The following OSGIN2 variants were observed in gnomAD, a reference collection of about 807,000 sequenced individuals.
OSGIN2 encodes the protein oxidative stress-induced growth inhibitor 2.
Under a neutral mutation model 53.8 loss-of-function variants are expected in OSGIN2, and 19 were observed. That is an observed-to-expected ratio of 0.35 (90% CI 0.25 to 0.52). The LOEUF (loss-of-function observed/expected upper bound fraction) is 0.52, where lower values mean the gene tolerates loss of function less well. Ranked by LOEUF, OSGIN2 falls within the 20% of genes least tolerant of loss-of-function variation. The pLI is 0.95. For synonymous variants in OSGIN2, 236 were observed against 236.0 expected (o/e 1.00, Z 0.00); for missense variants, 520 against 662.7 (o/e 0.78, Z 2.36).
chr8:89,922,344 A>G (rs771753324), intron 5 of OSGIN2, among the ~76,000 whole-genome samples: 1 of 152,216 alleles, frequency 6.6e-6, no homozygotes, highest in Non-Finnish European at 1.5e-5. Context: ...AGATTTTTAA[A>G]AAGAATTATA....
chr8:89,907,419 C>T (rs546530201), intron 1 of OSGIN2, among the ~76,000 whole-genome samples: 2 of 152,186 alleles, frequency 1.3e-5, no homozygotes, highest in African/African-American at 4.8e-5. Flanking sequence ...GTCTTTAATC[C>T]ATCTAGAGTT....
At chr8:89,905,004 G>T (rs1175034040) in intron 1 of OSGIN2, among the ~76,000 whole-genome samples, 1 of 152,122 alleles carries the variant, frequency 6.6e-6, no homozygotes, top group African/African-American at 2.4e-5. Flanking sequence ...CTTTCCATGT[G>T]GTAGTATAAA....
intron 2 of OSGIN2, among the ~76,000 whole-genome samples, chr8:89,913,223 C>T (rs1340897767): frequency 1.3e-5 from 2 of 152,082 alleles, no homozygotes; most frequent in African/African-American, 2.4e-5. Context: ...TTTAGAAAGG[C>T]GGTTTAATTT....
chr8:89,919,178 T>A (rs1423275284), intron 4 of OSGIN2, among the ~76,000 whole-genome samples: 1 of 152,226 alleles, frequency 6.6e-6, no homozygotes, highest in African/African-American at 2.4e-5. Context: ...AGCATGCTTT[T>A]GTTGGGGAGT....
At chr8:89,905,008 G>A (rs1243074080) in intron 1 of OSGIN2, among the ~76,000 whole-genome samples, 1 of 152,178 alleles carries the variant, frequency 6.6e-6, no homozygotes, top group Non-Finnish European at 1.5e-5. Flanking sequence ...CCATGTGGTA[G>A]TATAAATTTG....
chr8:89,902,333 GT>G (rs1808734109), upstream of OSGIN2, among the ~76,000 whole-genome samples: 1 of 152,152 alleles, frequency 6.6e-6, no homozygotes, highest in African/African-American at 2.4e-5. Flanking sequence ...GCTGACCGAG[GT>G]CTAGGTCTCG....
chr8:89,910,032 T>G (rs1259980293), intron 2 of OSGIN2, among the ~76,000 whole-genome samples: 1 of 152,200 alleles, frequency 6.6e-6, no homozygotes, highest in Non-Finnish European at 1.5e-5. Flanking sequence ...CTGAAGAGTA[T>G]TCTATGTATA....
intron 4 of OSGIN2, among the ~76,000 whole-genome samples, chr8:89,915,356 G>C (rs1431839693): frequency 6.6e-6 from 1 of 152,144 alleles, no homozygotes; most frequent in Non-Finnish European, 1.5e-5. Context: ...TATGAAGCCA[G>C]TAATCCCATT....
intron 2 of OSGIN2, among the ~76,000 whole-genome samples, chr8:89,912,326 G>A (rs1808984051): frequency 6.6e-6 from 1 of 152,226 alleles, no homozygotes; most frequent in South Asian, 2.1e-4. Context: ...TGGTTGAGAT[G>A]TATAATCACC....
At position 89,925,361 on chromosome 8, in the gene OSGIN2, T is replaced by C. The variant is rs749683846; in HGVS notation, c.1479T>C (p.Tyr493=). Residue 493 remains tyrosine, a synonymous_variant, in exon 6 of 6, where the codon TAT becomes TAC. Coordinates refer to ENST00000451899, the MANE Select transcript of OSGIN2 (RefSeq NM_001126111.3). ...CKGNPVEIDT[Y]TYECIKEANL... ...GTAATCCTGTGGAAATAGATACATATACCTATGAGTGTATTAAAGAAGCCA... is the reference window on the plus strand; with the variant it reads ...GTAATCCTGTGGAAATAGATACATACACCTATGAGTGTATTAAAGAAGCCA... 1.1e-5 allele frequency: 18 copies of C among 1,614,112 alleles called. No individual in the cohort carries two copies. In the East Asian group the frequency reaches 1.8e-4, roughly 16 times the overall value.
intron 4 of OSGIN2, among the ~76,000 whole-genome samples, chr8:89,918,050 C>T (rs1169727798): frequency 6.6e-6 from 1 of 152,190 alleles, no homozygotes; most frequent in African/African-American, 2.4e-5. Flanking sequence ...TTCTCCCTGC[C>T]TTTGCTTTCT....
At chr8:89,909,513 A>G in intron 1 of OSGIN2, 54 bp from the exon 2 acceptor site, 1 of 930,932 alleles carries the variant, frequency 1.1e-6, no homozygotes. Context: ...ATTGATTTTT[A>G]TAAAGGCTAT....
At chr8:89,910,946 G>A (rs567075566) in intron 2 of OSGIN2, among the ~76,000 whole-genome samples, 6 of 152,232 alleles carry the variant, frequency 3.9e-5, no homozygotes, top group East Asian at 3.9e-4. Flanking sequence ...TTCTGTTGCC[G>A]CTGTAACAAA....
chr8:89,921,284 T>C (rs1809198314), intron 5 of OSGIN2, 113 bp downstream of exon 5: 1 of 631,474 alleles, frequency 1.6e-6, no homozygotes, highest in Non-Finnish European at 2.8e-6. Flanking sequence ...TGTACGTCTT[T>C]CAAATAAAAA....
upstream of OSGIN2, chr8:89,902,126 G>A (rs1445335656): frequency 6.6e-6 from 1 of 152,294 alleles, no homozygotes; most frequent in Non-Finnish European, 1.5e-5. Flanking sequence ...ATGCCCAAAG[G>A]TGGGTTCTCA....
chr8:89,924,338 A>G (rs963225181), intron 5 of OSGIN2, among the ~76,000 whole-genome samples, 165 bp from the exon 6 acceptor site: 6 of 152,234 alleles, frequency 3.9e-5, no homozygotes, highest in Non-Finnish European at 2.9e-5. Flanking sequence ...TAACTCATGA[A>G]GATTTTTAAC....
In OSGIN2 at chr8:89,919,136, T is replaced by G. The variant is rs72563776; in HGVS notation, c.529-1944T>G. 5.7e-3 allele frequency among the ~76,000 whole-genome samples: 869 copies of G among 152,334 alleles called. 7 individuals are homozygous for G. Among genetic ancestry groups the G allele is most frequent in the African/African-American group, 0.02 (823 of 41,572 alleles). On this transcript the variant is annotated intron_variant, in intron 4 of 5. Transcript: ENST00000451899. The stretch of plus-strand genomic sequence containing the variant: ...AGCCCTTATTAGGTTTCTTGTCATA[T>G]TCCTCTTTTTATCTCTGACATTCTG...
chr8:89,918,268 C>T (rs1158155545), intron 4 of OSGIN2, among the ~76,000 whole-genome samples: 1 of 152,054 alleles, frequency 6.6e-6, no homozygotes, highest in African/African-American at 2.4e-5. Flanking sequence ...TTTGGTCACT[C>T]CTTTTCTGAT....
chr8:89,908,884 A>G (rs992789230), intron 1 of OSGIN2, among the ~76,000 whole-genome samples: 3 of 151,168 alleles, frequency 2.0e-5, no homozygotes, highest in African/African-American at 7.3e-5. Flanking sequence ...GTGGTGGCAC[A>G]CCTGTAGCCC....
Sources: gnomAD v4.1 joint callset for allele counts (sites outside exome capture counted in the v4.1 genomes callset) on GRCh38, gnomAD v4.1.1 for gene constraint, MANE v1.5 for transcripts, NCBI Gene and HGNC (gene_info 2026-07-23, HGNC 2026-07-21) for gene names.